Variants in VIPAS39 observed in about 807,000 individuals in gnomAD.
The protein encoded by VIPAS39 is VPS33B interacting protein, apical-basolateral polarity regulator, spe-39 homolog.
A neutral mutation model predicts 84.7 loss-of-function variants in VIPAS39; 63 were observed. That is an observed-to-expected ratio of 0.74 (90% CI 0.61 to 0.92). The LOEUF (loss-of-function observed/expected upper bound fraction) is 0.92. Ranked by LOEUF, VIPAS39 falls within the 40% of genes least tolerant of loss-of-function variation. The probability of loss-of-function intolerance (pLI) is 0.00; values close to 1 mark genes in which losing one functional copy is unlikely to be tolerated. For synonymous variants in VIPAS39, 192 were observed against 216.5 expected (o/e 0.89, Z 0.99); for missense variants, 499 against 604.5 (o/e 0.83, Z 1.83).
chr14:77,441,955 C>T (rs976118173), intron 10 of VIPAS39, among the ~76,000 whole-genome samples: 3 of 152,206 alleles, frequency 2.0e-5, no homozygotes, highest in Non-Finnish European at 2.9e-5. Context: ...CCCCAGCAGA[C>T]ATGCCTACCT....
At chr14:77,440,951 C>T in intron 11 of VIPAS39, 115 bp downstream of exon 11, 1 of 1,268,612 alleles carries the variant, frequency 7.9e-7, no homozygotes, top group South Asian at 1.2e-5. Context: ...CTCCTGACCT[C>T]AGGTGATCCA....
intron 1 of VIPAS39, among the ~76,000 whole-genome samples, chr14:77,455,414 C>T (rs1594931569): frequency 6.6e-6 from 1 of 152,206 alleles, no homozygotes; most frequent in South Asian, 2.1e-4. Flanking sequence ...GAGCTTGGGA[C>T]GTCGAGGCTG....
At chr14:77,448,388 G>T in intron 7 of VIPAS39, 106 bp downstream of exon 7, 1 of 1,167,030 alleles carries the variant, frequency 8.6e-7, no homozygotes, top group Non-Finnish European at 1.3e-6. Context: ...TTTTCCCCCT[G>T]AAATTCATTG....
intron 7 of VIPAS39, among the ~76,000 whole-genome samples, chr14:77,447,996 C>A (rs1260090421): frequency 2.0e-5 from 3 of 147,848 alleles, no homozygotes; most frequent in Non-Finnish European, 3.0e-5. Flanking sequence ...GTCTCACTCA[C>A]CAGGCTGAAA....
Position 77,427,417 on chromosome 14 carries a change from G to A in VIPAS39, c.*199C>T. The stretch of plus-strand genomic sequence containing the variant: ...GAGAGAATCATTCTCATGACTCAAA[G>A]CTTTAGATCTCGATCCTCAGATGAT... On this transcript the variant is annotated 3_prime_UTR_variant, in exon 20 of 20. Transcript: ENST00000557658. 1 of 633,728 alleles carries A rather than the reference G, an allele frequency of 1.6e-6. No homozygotes were observed. The highest frequency in any genetic ancestry group is 2.8e-5 in the East Asian group (1 of 36,130). The allele number at this position is 633,728 out of a possible 1,614,324, so 39.3% of individuals were successfully genotyped here. A position where few individuals can be genotyped will look rare whatever the true frequency, so the allele number is the denominator to read the frequency against.
chr14:77,457,318 T>C, intron 1 of VIPAS39, 177 bp downstream of exon 1: 3 of 1,535,658 alleles, frequency 2.0e-6, no homozygotes, highest in Non-Finnish European at 2.6e-6. Context: ...TGGTGCTCAC[T>C]CGCAGCCCCA....
chr14:77,452,677 G>A (rs8016070), intron 3 of VIPAS39, among the ~76,000 whole-genome samples: 64,377 of 151,096 alleles, frequency 0.43, 16,474 homozygotes, highest in East Asian at 0.93. Context: ...CTACTAGGGA[G>A]GCTGAAGCAT....
intron 10 of VIPAS39, 78 bp from the exon 11 acceptor site, chr14:77,441,171 C>T (rs527288180): frequency 6.6e-7 from 1 of 1,523,720 alleles, no homozygotes; most frequent in Non-Finnish European, 9.1e-7. Flanking sequence ...TCGAGTGCCT[C>T]CTCTAGGAGA....
chr14:77,454,734 G>A (rs1001580020), intron 1 of VIPAS39, among the ~76,000 whole-genome samples: 1 of 149,846 alleles, frequency 6.7e-6, no homozygotes, highest in African/African-American at 2.5e-5. Context: ...AGGGCATTCA[G>A]CATAGGTATG....
chr14:77,453,916 T>C, intron 2 of VIPAS39, 94 bp downstream of exon 2: 2 of 1,173,560 alleles, frequency 1.7e-6, no homozygotes, highest in Non-Finnish European at 2.5e-6. Context: ...AATGAAGACA[T>C]ACATGGTCAA....
chr14:77,437,761 C>T, intron 12 of VIPAS39, 47 bp downstream of exon 12: 1 of 1,582,190 alleles, frequency 6.3e-7, no homozygotes, highest in Non-Finnish European at 8.7e-7. Context: ...TTCATTCCTT[C>T]TGGGTAAAGG....
intron 12 of VIPAS39, among the ~76,000 whole-genome samples, chr14:77,437,383 T>C (rs1456109812): frequency 2.0e-5 from 3 of 152,166 alleles, no homozygotes; most frequent in Non-Finnish European, 4.4e-5. Context: ...TCAGTGGTTC[T>C]TGGACTTTGG....
At chr14:77,454,598 C>T (rs1463105092) in intron 1 of VIPAS39, among the ~76,000 whole-genome samples, 1 of 149,312 alleles carries the variant, frequency 6.7e-6, no homozygotes, top group African/African-American at 2.5e-5. Flanking sequence ...CGCTTGAACC[C>T]AGGAGGCAGA....
In VIPAS39 at chr14:77,457,527, G is replaced by A. The variant is rs1594934817; in HGVS notation, c.-33C>T. On this transcript the variant is annotated 5_prime_UTR_variant, in exon 1 of 20. Coordinates refer to ENST00000557658, the MANE Select transcript of VIPAS39 (RefSeq NM_001193315.2). ...GCACAGAGCCCTCCCTCTCAGGACA[G>A]CGCCAGCCTCCGCCGCCGCTGGACC... The A allele has an allele frequency of 3.5e-6, 3 of 846,412 alleles. No homozygotes were observed. The highest frequency in any genetic ancestry group is 5.4e-6 in the Non-Finnish European group (3 of 553,114). The allele number at this position is 846,412 out of a possible 1,614,324, so 52.4% of individuals were successfully genotyped here.
At chr14:77,436,779 G>A (rs900889499) in intron 12 of VIPAS39, among the ~76,000 whole-genome samples, 7 of 152,098 alleles carry the variant, frequency 4.6e-5, no homozygotes, top group African/African-American at 1.2e-4. Flanking sequence ...GAGGGACAGC[G>A]TCTTGCCAAA....
At position 77,426,873 on chromosome 14, in the gene VIPAS39, A is replaced by T. The variant is rs1229414002; in HGVS notation, c.*743T>A. On this transcript the variant is annotated 3_prime_UTR_variant, in exon 20 of 20. Transcript: ENST00000557658. ...TTCTGAAAGCTCCTGGTGAAATGAG[A>T]TTTTTGCATAAAGAGAGAGCTCTCC... The T allele has an allele frequency of 6.6e-6, 1 of 152,158 alleles. No homozygotes were observed. The highest frequency in any genetic ancestry group is 2.4e-5 in the African/African-American group (1 of 41,426). 9.4% of individuals were successfully genotyped at this position (152,158 alleles called of 1,614,324 possible). A position where few individuals can be genotyped will look rare whatever the true frequency, so the allele number is the denominator to read the frequency against.
chr14:77,448,623 CA>C, intron 6 of VIPAS39, 73 bp from the exon 7 acceptor site: 1 of 1,488,144 alleles, frequency 6.7e-7, no homozygotes, highest in South Asian at 1.1e-5. Context: ...CTCCTCAACT[CA>C]AACTCAGTCT....
At chr14:77,446,762 G>A (rs188814080) in intron 7 of VIPAS39, among the ~76,000 whole-genome samples, 32 of 152,048 alleles carry the variant, frequency 2.1e-4, no homozygotes, top group Non-Finnish European at 3.8e-4. Flanking sequence ...CAATGAACTA[G>A]AATAAAGAGT....
chr14:77,446,982 A>G (rs2139849561), intron 7 of VIPAS39, among the ~76,000 whole-genome samples: 1 of 146,976 alleles, frequency 6.8e-6, no homozygotes, highest in Non-Finnish European at 1.5e-5. Flanking sequence ...ATTATAAGTT[A>G]CATTTATATA....
Sources: gnomAD v4.1 joint callset for allele counts (sites outside exome capture counted in the v4.1 genomes callset) on GRCh38, gnomAD v4.1.1 for gene constraint, MANE v1.5 for transcripts, NCBI Gene and HGNC (gene_info 2026-07-23, HGNC 2026-07-21) for gene names.